The following FAR2 variants were observed in gnomAD, a reference collection of about 807,000 sequenced individuals.
FAR2 encodes fatty acyl-CoA reductase 2, also known as epididymis secretory protein Li 81.
FAR2 carries 19 observed loss-of-function variants against 56.0 expected under a neutral mutation model. The observed-to-expected ratio is 0.34, with a 90% CI of 0.24 to 0.50. The LOEUF (loss-of-function observed/expected upper bound fraction) is 0.50, where lower values mean the gene tolerates loss of function less well. Among genes scored for constraint, FAR2 ranks in the 20% least tolerant of loss-of-function variants. The probability of loss-of-function intolerance (pLI) is 0.98; values close to 1 mark genes in which losing one functional copy is unlikely to be tolerated. For missense variants in FAR2, 508 were observed against 642.2 expected (o/e 0.79, Z 2.26); for synonymous variants, 219 against 218.8 (o/e 1.00, Z -0.01).
chr12:29,260,885 C>A (rs1408085510), intron 1 of FAR2, among the ~76,000 whole-genome samples: 2 of 152,134 alleles, frequency 1.3e-5, no homozygotes, highest in African/African-American at 2.4e-5. Context: ...CCCAAGGCCA[C>A]CAAGGCAGTA....
chr12:29,203,939 G>A (rs1947446557), intron 1 of FAR2, among the ~76,000 whole-genome samples: 1 of 140,432 alleles, frequency 7.1e-6, no homozygotes, highest in South Asian at 2.3e-4. Flanking sequence ...GGCGGAGCTT[G>A]CAGTGAGCCG....
rs1949004004 is a variant in FAR2 at position 29,293,285 on chromosome 12, ATATT to A, written c.190-11_190-8del. On this transcript the variant is annotated splice_polypyrimidine_tract_variant and intron_variant, in intron 2 of 11. Coordinates refer to ENST00000536681, the MANE Select transcript of FAR2 (RefSeq NM_001271783.2). ...GGTGCTATTTTTTGTATATTGATCT[ATATT>A]TATGTTTCAGCTATTTGAGAAAGTC... 1.3e-6 allele frequency: 2 copies of A among 1,552,392 alleles called. No homozygotes were observed. The highest frequency in any genetic ancestry group is 1.7e-6 in the Non-Finnish European group (2 of 1,149,904).
intron 1 of FAR2, among the ~76,000 whole-genome samples, chr12:29,263,693 G>A (rs753739677): frequency 8.4e-5 from 12 of 142,318 alleles, no homozygotes; most frequent in African/African-American, 2.6e-4. Flanking sequence ...CATGTACAAC[G>A]TACTAAGAAT....
intron 1 of FAR2, among the ~76,000 whole-genome samples, chr12:29,192,689 A>G (rs1591841790): frequency 6.6e-6 from 1 of 152,228 alleles, no homozygotes; most frequent in Admixed American, 6.5e-5. Context: ...TATTTGTTAT[A>G]TGTTTACAAA....
chr12:29,224,299 G>A (rs1465783071), intron 1 of FAR2, among the ~76,000 whole-genome samples: 7 of 152,198 alleles, frequency 4.6e-5, no homozygotes, highest in Admixed American at 4.6e-4. Flanking sequence ...TCCAGTCTCT[G>A]AAATTCAATT....
At chr12:29,240,930 T>C (rs1948022197) in intron 1 of FAR2, among the ~76,000 whole-genome samples, 1 of 152,076 alleles carries the variant, frequency 6.6e-6, no homozygotes, top group African/African-American at 2.4e-5. Flanking sequence ...CTCAGCCTCC[T>C]GAGTAGCTGG....
intron 1 of FAR2, among the ~76,000 whole-genome samples, chr12:29,244,130 C>T (rs774446737): frequency 1.6e-4 from 25 of 152,154 alleles, no homozygotes; most frequent in Non-Finnish European, 3.1e-4. Context: ...TCTTTTTTCA[C>T]CAGTGCTCCC....
chr12:29,252,784 G>T (rs1948234292), intron 1 of FAR2, among the ~76,000 whole-genome samples: 1 of 152,146 alleles, frequency 6.6e-6, no homozygotes, highest in Admixed American at 6.5e-5. Flanking sequence ...GAGGCAAATG[G>T]TTGCCAAGTT....
At chr12:29,244,691 C>T (rs1948096605) in intron 1 of FAR2, among the ~76,000 whole-genome samples, 2 of 152,152 alleles carry the variant, frequency 1.3e-5, no homozygotes, top group Non-Finnish European at 2.9e-5. Context: ...ATTGTTCCCA[C>T]CCTAAAGAAC....
chr12:29,268,275 G>T (rs2136703602), intron 1 of FAR2, among the ~76,000 whole-genome samples: 1 of 152,274 alleles, frequency 6.6e-6, no homozygotes, highest in Non-Finnish European at 1.5e-5. Flanking sequence ...ATAGGCAGTT[G>T]AGGCCTTTCT....
At chr12:29,310,839 G>T (rs531820606) in intron 6 of FAR2, among the ~76,000 whole-genome samples, 189 bp from the exon 7 acceptor site, 1 of 152,274 alleles carries the variant, frequency 6.6e-6, no homozygotes, top group East Asian at 1.9e-4. Flanking sequence ...TGCTGGAGAC[G>T]CATGCACTTG....
intron 2 of FAR2, chr12:29,281,058 A>T (rs758621620): frequency 5.9e-5 from 9 of 152,148 alleles, no homozygotes; most frequent in African/African-American, 7.2e-5. Flanking sequence ...CCATTATTGC[A>T]TCCAGTCCAA....
chr12:29,225,878 G>C (rs189643896), intron 1 of FAR2, among the ~76,000 whole-genome samples: 2 of 152,270 alleles, frequency 1.3e-5, no homozygotes, highest in Non-Finnish European at 2.9e-5. Context: ...CACATGTGAA[G>C]GTGAAAGTGC....
At chr12:29,226,388 C>G (rs1321789256) in intron 1 of FAR2, among the ~76,000 whole-genome samples, 1 of 152,146 alleles carries the variant, frequency 6.6e-6, no homozygotes. Context: ...AATTTGAACT[C>G]TTGTACTTTT....
chr12:29,289,862 G>A (rs942426012), intron 2 of FAR2, among the ~76,000 whole-genome samples: 13 of 151,976 alleles, frequency 8.6e-5, no homozygotes, highest in African/African-American at 2.2e-4. Flanking sequence ...ATAATAATCC[G>A]ATCAAAAAAT....
chr12:29,333,753 T>G lies in FAR2; in HGVS notation c.1507T>G (p.Phe503Val). 1 of 1,613,860 alleles carries G rather than the reference T, an allele frequency of 6.2e-7. No homozygotes were observed. The highest frequency in any genetic ancestry group is 8.5e-7 in the Non-Finnish European group (1 of 1,179,752). ...WFFIVSFCYKFLSYFRASSTL... is the reference protein window; with the variant it reads ...WFFIVSFCYKVLSYFRASSTL... Reference sequence around the variant, plus strand: ...CTTCATTGTAAGCTTCTGTTATAAATTCCTCTCCTACTTTAGAGCATCCAG... The same window carrying G: ...CTTCATTGTAAGCTTCTGTTATAAAGTCCTCTCCTACTTTAGAGCATCCAG... Residue 503 changes from phenylalanine (F) to valine (V), a missense_variant, in exon 12 of 12, where the codon TTC becomes GTC. Physicochemically the swap from Phe to Val is conservative, Grantham distance 50. Transcript: ENST00000536681.
intron 1 of FAR2, among the ~76,000 whole-genome samples, chr12:29,204,872 T>C (rs977878367): frequency 1.3e-5 from 2 of 152,116 alleles, no homozygotes; most frequent in Non-Finnish European, 2.9e-5. Flanking sequence ...GAGATGGTGC[T>C]AACCCATTCA....
In FAR2 at chr12:29,333,746, T is replaced by A. The variant is rs1219715689; in HGVS notation, c.1500T>A (p.Cys500Ter). ...TCTGGTTCTTCATTGTAAGCTTCTG[T>A]TATAAATTCCTCTCCTACTTTAGAG... ...RNVWFFIVSFCYKFLSYFRAS... is the reference protein window; with the variant it reads ...RNVWFFIVSF The change falls in exon 12 of 12, where the codon TGT becomes TGA. Residue 500 changes from cysteine to a stop codon, truncating the protein, a stop_gained. Coordinates refer to ENST00000536681, the MANE Select transcript of FAR2 (RefSeq NM_001271783.2). LOFTEE classifies it high-confidence loss of function. 1.9e-6 allele frequency: 3 copies of A among 1,613,772 alleles called. No individual in the cohort carries two copies. Among genetic ancestry groups the A allele is most frequent in the Non-Finnish European group, 1.7e-6 (2 of 1,179,790 alleles).
chr12:29,190,486 C>T (rs973669798), intron 1 of FAR2, among the ~76,000 whole-genome samples: 5 of 152,014 alleles, frequency 3.3e-5, no homozygotes, highest in South Asian at 4.2e-4. Flanking sequence ...TTTATTGAGA[C>T]GGAGTTTCCC....
Sources: gnomAD v4.1 joint callset for allele counts (sites outside exome capture counted in the v4.1 genomes callset) on GRCh38, gnomAD v4.1.1 for gene constraint, MANE v1.5 for transcripts, NCBI Gene and HGNC (gene_info 2026-07-23, HGNC 2026-07-21) for gene names.